Variants in ARID2 observed in about 807,000 individuals in gnomAD.
ARID2 encodes AT-rich interactive domain-containing protein 2.
In ARID2, 32 loss-of-function variants were observed where a neutral mutation model predicts 184.6. The observed-to-expected ratio is 0.17, with a 90% CI of 0.13 to 0.23. The LOEUF is 0.23. Among genes scored for constraint, ARID2 ranks in the 10% least tolerant of loss-of-function variants. The pLI, the probability that ARID2 is intolerant of heterozygous loss-of-function variation, is 1.00. For synonymous variants in ARID2, 836 were observed against 772.6 expected (o/e 1.08, Z -1.36); for missense variants, 1,696 against 2,197.6 (o/e 0.77, Z 4.56).
intron 16 of ARID2, among the ~76,000 whole-genome samples, chr12:45,875,338 GCT>G (rs1348967483): frequency 6.6e-6 from 1 of 152,180 alleles, no homozygotes; most frequent in African/African-American, 2.4e-5. Flanking sequence ...AGTAAACCAT[GCT>G]GTAAACAAAT....
intron 16 of ARID2, among the ~76,000 whole-genome samples, chr12:45,878,801 G>A (rs926650718): frequency 3.3e-5 from 5 of 152,020 alleles, no homozygotes; most frequent in African/African-American, 9.7e-5. Context: ...TACTTTTGGC[G>A]TGCCTTGTCA....
At chr12:45,793,363 A>C (rs1044707752) in intron 3 of ARID2, among the ~76,000 whole-genome samples, 1 of 145,634 alleles carries the variant, frequency 6.9e-6, no homozygotes, top group African/African-American at 2.6e-5. Flanking sequence ...TCTCTTTTTT[A>C]TCTTGTTTGA....
chr12:45,816,253 C>G (rs1942801207), intron 4 of ARID2, among the ~76,000 whole-genome samples: 1 of 151,988 alleles, frequency 6.6e-6, no homozygotes, highest in African/African-American at 2.4e-5. Context: ...GGTTTAGGCA[C>G]AAAAGCATGA....
chr12:45,836,504 C>G, intron 6 of ARID2, 85 bp from the exon 7 acceptor site: 1 of 1,276,902 alleles, frequency 7.8e-7, no homozygotes, highest in Non-Finnish European at 1.1e-6. Flanking sequence ...GCATGAGCCA[C>G]CATACCTAGC....
chr12:45,758,993 TAA>T (rs1369473917), intron 3 of ARID2, among the ~76,000 whole-genome samples: 1 of 152,102 alleles, frequency 6.6e-6, no homozygotes, highest in South Asian at 2.1e-4. Context: ...TCTGTTGTGA[TAA>T]AAGACACGCA....
chr12:45,731,124 A>T, intron 2 of ARID2, 93 bp from the exon 3 acceptor site: 1 of 922,334 alleles, frequency 1.1e-6, no homozygotes. Context: ...TTAGGTATCT[A>T]CAGATCTCTG....
intron 3 of ARID2, among the ~76,000 whole-genome samples, chr12:45,749,949 A>T (rs964409724): frequency 6.6e-6 from 1 of 152,208 alleles, no homozygotes; most frequent in African/African-American, 2.4e-5. Context: ...CTTACCAGCC[A>T]TAAGGGTGTT....
In ARID2 at chr12:45,906,295, A is replaced by G. The variant is rs1207970112; in HGVS notation, c.*1217A>G. ...TCTTCCATTCTTAATACTGTACCAC[A>G]TTCCTGCTCAGAAACTGCTCACTTC... On this transcript the variant is annotated 3_prime_UTR_variant, in exon 21 of 21. Coordinates refer to ENST00000334344, the MANE Select transcript of ARID2 (RefSeq NM_152641.4). The G allele has an allele frequency of 4.3e-6, 1 of 233,090 alleles. No homozygotes were observed. Among genetic ancestry groups the G allele is most frequent in the Non-Finnish European group, 8.5e-6 (1 of 117,798 alleles). 14.4% of individuals were successfully genotyped at this position (233,090 alleles called of 1,614,324 possible).
intron 18 of ARID2, 40 bp from the exon 19 acceptor site, chr12:45,893,380 A>G (rs2136461965): frequency 6.4e-7 from 1 of 1,572,578 alleles, no homozygotes; most frequent in Non-Finnish European, 8.6e-7. Context: ...CTGCAGTATC[A>G]CGTTAATTCT....
intron 3 of ARID2, among the ~76,000 whole-genome samples, chr12:45,737,901 C>T (rs779951420): frequency 1.3e-5 from 2 of 152,084 alleles, no homozygotes; most frequent in Non-Finnish European, 2.9e-5. Flanking sequence ...TATACTTTGT[C>T]TCTGGACTCT....
intron 16 of ARID2, among the ~76,000 whole-genome samples, chr12:45,867,389 G>T (rs1943846992): frequency 6.6e-6 from 1 of 151,972 alleles, no homozygotes; most frequent in Admixed American, 6.6e-5. Context: ...GAGTAGCTAG[G>T]ACTACAGATG....
intron 3 of ARID2, among the ~76,000 whole-genome samples, chr12:45,780,729 C>T (rs1222124948): frequency 6.6e-6 from 1 of 152,082 alleles, no homozygotes; most frequent in East Asian, 1.9e-4. Context: ...AGTGATTCTC[C>T]TGCCTCAGCC....
rs537305715 is a variant in ARID2, at chr12:45,762,749, C to G, written c.284+31435C>G. Among the ~76,000 whole-genome samples, 25 of 152,212 alleles carry G rather than the reference C, an allele frequency of 1.6e-4. No homozygotes were observed. In the South Asian group the frequency reaches 4.4e-3, roughly 27 times the overall value. On this transcript the variant is annotated intron_variant, in intron 3 of 20. Coordinates refer to ENST00000334344, the MANE Select transcript of ARID2 (RefSeq NM_152641.4). ...CTCTTAACTTTTCAGAAACCAAAAC[C>G]TATATCTTACTTCTAAAGGTAATAG...
At chr12:45,825,681 A>C (rs1168455747) in intron 6 of ARID2, among the ~76,000 whole-genome samples, 2 of 152,086 alleles carry the variant, frequency 1.3e-5, no homozygotes. Context: ...TGGGCAATAT[A>C]ATGAGACCTC....
At chr12:45,880,398 T>C (rs188570523) in intron 16 of ARID2, among the ~76,000 whole-genome samples, 136 of 152,358 alleles carry the variant, frequency 8.9e-4, no homozygotes, top group Non-Finnish European at 1.3e-3. Flanking sequence ...CCAGGAAATC[T>C]ACCCAAGTGA....
intron 3 of ARID2, among the ~76,000 whole-genome samples, chr12:45,770,614 C>T (rs1941858133): frequency 6.6e-6 from 1 of 152,178 alleles, no homozygotes; most frequent in African/African-American, 2.4e-5. Context: ...GAACAGCTCT[C>T]ACCAAAGAGA....
chr12:45,732,237 T>G (rs1157332767), intron 3 of ARID2, among the ~76,000 whole-genome samples: 1 of 152,238 alleles, frequency 6.6e-6, no homozygotes, highest in African/African-American at 2.4e-5. Context: ...TTAATAGTGA[T>G]AGTACAGGCC....
At chr12:45,801,040 T>C (rs1297397624) in intron 3 of ARID2, among the ~76,000 whole-genome samples, 1 of 152,084 alleles carries the variant, frequency 6.6e-6, no homozygotes, top group Admixed American at 6.5e-5. Context: ...TTAGAAAAAT[T>C]ACTTTCTCAC....
chr12:45,877,038 G>T (rs1242123650), intron 16 of ARID2, among the ~76,000 whole-genome samples: 1 of 145,162 alleles, frequency 6.9e-6, no homozygotes, highest in Non-Finnish European at 1.5e-5. Context: ...CTTGCAGTGA[G>T]CCCAGATCAC....
Sources: allele counts gnomAD v4.1 joint callset (sites outside exome capture counted in the v4.1 genomes callset), GRCh38; gene constraint gnomAD v4.1.1; transcripts MANE v1.5; gene names NCBI Gene and HGNC (gene_info 2026-07-23, HGNC 2026-07-21).